TTC28: variants seen among roughly 807,000 people sequenced by gnomAD.
The protein encoded by TTC28 is tetratricopeptide repeat domain 28.
A neutral mutation model predicts 198.0 loss-of-function variants in TTC28; 61 were observed. The observed-to-expected ratio is 0.31, with a 90% CI of 0.25 to 0.38. The LOEUF (loss-of-function observed/expected upper bound fraction) is 0.38, where lower values mean the gene tolerates loss of function less well. Among genes scored for constraint, TTC28 ranks in the 10% least tolerant of loss-of-function variants. The pLI, the probability that TTC28 is intolerant of heterozygous loss-of-function variation, is 1.00. For missense variants in TTC28, 2,678 were observed against 3,164.0 expected (o/e 0.85, Z 3.69); for synonymous variants, 1,171 against 1,297.8 (o/e 0.90, Z 2.10).
chr22:28,331,336 A>ATT (rs1251706765), intron 2 of TTC28, among the ~76,000 whole-genome samples: 19 of 152,136 alleles, frequency 1.2e-4, no homozygotes, highest in Middle Eastern at 3.4e-3. Context: ...TATAAGGAAA[A>ATT]CCTTTTTCCA....
At chr22:28,039,074 A>G (rs1939495895) in intron 12 of TTC28, among the ~76,000 whole-genome samples, 1 of 152,226 alleles carries the variant, frequency 6.6e-6, no homozygotes, top group Non-Finnish European at 1.5e-5. Flanking sequence ...TGTTGGTAGG[A>G]CTGTAAACTA....
At chr22:28,354,400 T>C (rs1258377091) in intron 2 of TTC28, among the ~76,000 whole-genome samples, 1 of 152,168 alleles carries the variant, frequency 6.6e-6, no homozygotes, top group Admixed American at 6.5e-5. Flanking sequence ...GAAAACATTA[T>C]GCTAAGTAAA....
At chr22:28,015,107 A>G (rs1938312104) in intron 13 of TTC28, among the ~76,000 whole-genome samples, 1 of 152,252 alleles carries the variant, frequency 6.6e-6, no homozygotes, top group East Asian at 1.9e-4. Flanking sequence ...GCATTCACTG[A>G]TTCATTCATT....
At position 27,998,566 on chromosome 22, in the gene TTC28, G is replaced by A; in HGVS notation, c.5093C>T (p.Ala1698Val). 1 of 1,550,566 alleles carries A rather than the reference G, an allele frequency of 6.4e-7. No homozygotes were observed. The highest frequency in any genetic ancestry group is 8.7e-7 in the Non-Finnish European group (1 of 1,146,930). ...EAMKVVQSSK[A>V]FSHPSNWAGF... ...TGCCCAGTTGGAGGGGTGCGAGAAGGCCTTGCTGCTCTGCACCACCTTCAT... is the reference window on the plus strand; with the variant it reads ...TGCCCAGTTGGAGGGGTGCGAGAAGACCTTGCTGCTCTGCACCACCTTCAT... The change falls in exon 16 of 23, where the codon GCC (alanine) becomes GTC (valine). Residue 1698 changes from alanine to valine, a missense_variant. Ala to Val is a moderately conservative substitution (Grantham distance 64). Transcript: ENST00000397906.
At chr22:28,238,279 C>G (rs1929396179) in intron 5 of TTC28, among the ~76,000 whole-genome samples, 1 of 151,928 alleles carries the variant, frequency 6.6e-6, no homozygotes, top group Non-Finnish European at 1.5e-5. Context: ...GGTCTTTTTT[C>G]CTTTGCTTCA....
intron 3 of TTC28, among the ~76,000 whole-genome samples, chr22:28,301,536 C>G (rs2045025727): frequency 6.6e-6 from 1 of 152,150 alleles, no homozygotes; most frequent in African/African-American, 2.4e-5. Context: ...TCACACTCAA[C>G]TAAGAGATAT....
intron 2 of TTC28, among the ~76,000 whole-genome samples, chr22:28,407,304 A>G (rs1177911282): frequency 6.6e-6 from 1 of 152,204 alleles, no homozygotes; most frequent in East Asian, 1.9e-4. Flanking sequence ...AAACACAAGC[A>G]CAGCAATACT....
chr22:28,523,545 C>T (rs1028610168), intron 2 of TTC28, among the ~76,000 whole-genome samples: 5 of 152,116 alleles, frequency 3.3e-5, no homozygotes, highest in African/African-American at 7.2e-5. Context: ...GAGGTGGAGA[C>T]GAGGAAAAAA....
chr22:28,192,835 T>G (rs190810491), intron 5 of TTC28, among the ~76,000 whole-genome samples: 5 of 152,174 alleles, frequency 3.3e-5, no homozygotes, highest in South Asian at 2.1e-4. Flanking sequence ...TGAAAGTGAC[T>G]GAGAGAATGC....
intron 2 of TTC28, among the ~76,000 whole-genome samples, chr22:28,615,042 T>A (rs1335401955): frequency 6.6e-6 from 1 of 151,764 alleles, no homozygotes; most frequent in Non-Finnish European, 1.5e-5. Flanking sequence ...TTGCAATCTA[T>A]CCATCTGACA....
chr22:28,377,390 T>A (rs555578842), intron 2 of TTC28, among the ~76,000 whole-genome samples: 2 of 151,994 alleles, frequency 1.3e-5, no homozygotes, highest in African/African-American at 2.4e-5. Context: ...TTTTTTTTTT[T>A]AATATTCAAC....
At chr22:28,344,756 C>G (rs546952443) in intron 2 of TTC28, among the ~76,000 whole-genome samples, 4 of 152,150 alleles carry the variant, frequency 2.6e-5, no homozygotes, top group Non-Finnish European at 2.9e-5. Flanking sequence ...GTTTTTCTCT[C>G]CTTTCATCTC....
At chr22:28,489,047 G>A (rs1335308716) in intron 2 of TTC28, among the ~76,000 whole-genome samples, 1 of 152,112 alleles carries the variant, frequency 6.6e-6, no homozygotes, top group Admixed American at 6.5e-5. Flanking sequence ...ACTTTCAGAG[G>A]CTGGGGGGAA....
chr22:28,290,002 C>T (rs189633278), intron 5 of TTC28, among the ~76,000 whole-genome samples: 200 of 151,744 alleles, frequency 1.3e-3, no homozygotes, highest in Non-Finnish European at 2.0e-3. Flanking sequence ...CCAGCCTAGG[C>T]GACAGAGCGA....
chr22:28,173,902 C>G (rs1222558311), intron 5 of TTC28, among the ~76,000 whole-genome samples: 1 of 152,124 alleles, frequency 6.6e-6, no homozygotes, highest in Non-Finnish European at 1.5e-5. Context: ...TACATGCTTA[C>G]AGTGTTATAC....
intron 12 of TTC28, among the ~76,000 whole-genome samples, chr22:28,036,857 A>C (rs1939377324): frequency 6.6e-6 from 1 of 152,242 alleles, no homozygotes; most frequent in Admixed American, 6.5e-5. Flanking sequence ...GATCCCACAG[A>C]AATACAAACT....
intron 12 of TTC28, among the ~76,000 whole-genome samples, chr22:28,040,751 G>C (rs1473924105): frequency 6.6e-6 from 1 of 152,176 alleles, no homozygotes; most frequent in Non-Finnish European, 1.5e-5. Flanking sequence ...TCAGGGAAGA[G>C]AAAGAAATAA....
At position 28,142,066 on chromosome 22, in the gene TTC28, C is replaced by T. The variant is rs145715245; in HGVS notation, c.1441+21026G>A. 2.5e-3 allele frequency among the ~76,000 whole-genome samples: 384 copies of T among 152,312 alleles called. 2 individuals carry two copies. The highest frequency in any genetic ancestry group is 3.4e-3 in the Non-Finnish European group (228 of 68,024). The stretch of plus-strand genomic sequence containing the variant: ...AAAAAGAAACAGATTATGAACATCT[C>T]GTTTCATCTGGGTTTATGTGAGACT... On this transcript the variant is annotated intron_variant, in intron 6 of 22. Transcript: ENST00000397906.
chr22:28,441,123 T>C (rs1206152054), intron 2 of TTC28, among the ~76,000 whole-genome samples: 1 of 152,072 alleles, frequency 6.6e-6, no homozygotes, highest in Non-Finnish European at 1.5e-5. Flanking sequence ...TCTTCCAGAG[T>C]CCAGAAATCC....
Sources: allele counts gnomAD v4.1 joint callset (sites outside exome capture counted in the v4.1 genomes callset), GRCh38; gene constraint gnomAD v4.1.1; transcripts MANE v1.5; gene names NCBI Gene and HGNC (gene_info 2026-07-23, HGNC 2026-07-21).